Variants in CDH18 observed in about 807,000 individuals in gnomAD.
The protein encoded by CDH18 is cadherin 18, also known as cadherin-18.
Under a neutral mutation model 67.9 loss-of-function variants are expected in CDH18, and 31 were observed. The observed-to-expected ratio is 0.46, with a 90% CI of 0.34 to 0.62. The LOEUF is 0.62. Ranked by LOEUF, CDH18 falls within the 20% of genes least tolerant of loss-of-function variation. The pLI, the probability that CDH18 is intolerant of heterozygous loss-of-function variation, is 0.01. For missense variants in CDH18, 890 were observed against 975.5 expected (o/e 0.91, Z 1.17); for synonymous variants, 362 against 347.2 (o/e 1.04, Z -0.48).
intron 6 of CDH18, among the ~76,000 whole-genome samples, chr5:19,592,524 C>T (rs1027942222): frequency 1.6e-4 from 25 of 151,944 alleles, no homozygotes; most frequent in Non-Finnish European, 3.7e-4. Context: ...TGATTCAATG[C>T]TATACAAGGA....
At chr5:20,148,005 C>T (rs1234530557) in intron 2 of CDH18, among the ~76,000 whole-genome samples, 3 of 151,858 alleles carry the variant, frequency 2.0e-5, no homozygotes, top group African/African-American at 7.3e-5. Context: ...TGCATGTTTG[C>T]ATGTTTAAAT....
intron 3 of CDH18, among the ~76,000 whole-genome samples, chr5:19,790,141 T>C (rs747758641): frequency 1.8e-4 from 28 of 152,256 alleles, no homozygotes; most frequent in Non-Finnish European, 1.3e-4. Context: ...GCTCATTATA[T>C]GCTCATAACA....
At chr5:19,956,376 A>ATAACACT (rs1442648891) in intron 2 of CDH18, among the ~76,000 whole-genome samples, 1 of 151,978 alleles carries the variant, frequency 6.6e-6, no homozygotes. Flanking sequence ...AAATCAAAAG[A>ATAACACT]TAACACTTTG....
upstream of CDH18, among the ~76,000 whole-genome samples, chr5:19,993,017 AC>A: frequency 6.6e-6 from 1 of 152,264 alleles, no homozygotes; most frequent in African/African-American, 2.4e-5. Flanking sequence ...CCAACTCCAA[AC>A]CTGCCCTGAA....
chr5:20,003,961 A>AT (rs947319972), intron 2 of CDH18, among the ~76,000 whole-genome samples: 5 of 151,638 alleles, frequency 3.3e-5, no homozygotes, highest in African/African-American at 1.2e-4. Flanking sequence ...CAAAATAACT[A>AT]TTTTTTCTTG....
intron 2 of CDH18, among the ~76,000 whole-genome samples, chr5:20,229,696 T>A (rs1741912683): frequency 6.6e-6 from 1 of 152,094 alleles, no homozygotes; most frequent in African/African-American, 2.4e-5. Context: ...TGTTCTTCAA[T>A]TCCATATATT....
At chr5:19,806,985 C>T (rs935191067) in intron 3 of CDH18, among the ~76,000 whole-genome samples, 1 of 152,188 alleles carries the variant, frequency 6.6e-6, no homozygotes, top group Non-Finnish European at 1.5e-5. Flanking sequence ...CTCTATTGCT[C>T]ATGGGCTAAA....
At chr5:20,191,920 T>G (rs1230939778) in intron 2 of CDH18, among the ~76,000 whole-genome samples, 1 of 152,116 alleles carries the variant, frequency 6.6e-6, no homozygotes, top group African/African-American at 2.4e-5. Flanking sequence ...TCTAGATCCT[T>G]GAGGAGGTGT....
chr5:19,853,443 C>T (rs1783931326), intron 2 of CDH18, among the ~76,000 whole-genome samples: 1 of 152,088 alleles, frequency 6.6e-6, no homozygotes, highest in African/African-American at 2.4e-5. Context: ...TTGTGGAAAA[C>T]ACAAACACTC....
chr5:20,403,688 G>T (rs1297479397), intron 1 of CDH18, among the ~76,000 whole-genome samples: 1 of 152,114 alleles, frequency 6.6e-6, no homozygotes, highest in African/African-American at 2.4e-5. Context: ...AGGCTTTGTT[G>T]TTCCATTTAT....
intron 2 of CDH18, among the ~76,000 whole-genome samples, chr5:19,955,986 C>T (rs1472223502): frequency 1.3e-5 from 2 of 151,924 alleles, no homozygotes; most frequent in Non-Finnish European, 2.9e-5. Context: ...AGTTTAGTTT[C>T]CCCCAAAGTA....
intron 1 of CDH18, among the ~76,000 whole-genome samples, chr5:20,466,020 TAC>T (rs1362747782): frequency 1.3e-5 from 2 of 152,064 alleles, no homozygotes; most frequent in African/African-American, 4.8e-5. Flanking sequence ...CATCTGCTAA[TAC>T]AGAGGTAAGA....
chr5:20,562,590 T>C (rs1408628698), intron 1 of CDH18, among the ~76,000 whole-genome samples: 1 of 151,670 alleles, frequency 6.6e-6, no homozygotes, highest in Middle Eastern at 3.2e-3. Flanking sequence ...CTAATATATC[T>C]TATAATTATT....
rs80007394 is a variant in CDH18 at position 19,728,182 on chromosome 5, C to T, written c.524-6716G>A. ...ATAGATTTGATGAATAGATATTAAA[C>T]CAACAGTTCCCCTCCCTAGATAATT... On this transcript the variant is annotated intron_variant, in intron 4 of 12. Transcript: ENST00000382275. Among the ~76,000 whole-genome samples the T allele has an allele frequency of 9.9e-5, 15 of 152,208 alleles. No individual in the cohort carries two copies. In the East Asian group the frequency reaches 2.7e-3, roughly 27 times the overall value.
chr5:19,960,631 A>C (rs1796740382), intron 2 of CDH18, among the ~76,000 whole-genome samples: 1 of 134,302 alleles, frequency 7.4e-6, no homozygotes, highest in African/African-American at 3.3e-5. Flanking sequence ...ATACACGTGT[A>C]TATGTATACA....
At chr5:20,034,312 CCT>C (rs1287968110) in intron 2 of CDH18, among the ~76,000 whole-genome samples, 4 of 152,076 alleles carry the variant, frequency 2.6e-5, no homozygotes, top group Non-Finnish European at 5.9e-5. Flanking sequence ...TTTCACACCC[CCT>C]GTTTATTTAA....
intron 1 of CDH18, among the ~76,000 whole-genome samples, chr5:20,519,868 T>C (rs1353800629): frequency 6.6e-6 from 1 of 151,344 alleles, no homozygotes; most frequent in Non-Finnish European, 1.5e-5. Context: ...ATGTCCTTTT[T>C]TATTTTATTC....
At chr5:20,459,186 G>C (rs542034969) in intron 1 of CDH18, among the ~76,000 whole-genome samples, 1 of 152,120 alleles carries the variant, frequency 6.6e-6, no homozygotes, top group African/African-American at 2.4e-5. Flanking sequence ...ACTGGGGGAG[G>C]GAATCCAGTT....
intron 2 of CDH18, among the ~76,000 whole-genome samples, chr5:20,244,978 C>A (rs1333855020): frequency 2.0e-5 from 3 of 152,034 alleles, no homozygotes; most frequent in Admixed American, 2.0e-4. Context: ...CACAAGAAAC[C>A]TCCAAACTTA....
Sources: gnomAD v4.1 joint callset for allele counts (sites outside exome capture counted in the v4.1 genomes callset) on GRCh38, gnomAD v4.1.1 for gene constraint, MANE v1.5 for transcripts, NCBI Gene and HGNC (gene_info 2026-07-23, HGNC 2026-07-21) for gene names.